Variants in FAM200B observed in about 807,000 individuals in gnomAD.
FAM200B encodes the protein protein FAM200B.
A neutral mutation model predicts 33.1 loss-of-function variants in FAM200B; 32 were observed. That is an observed-to-expected ratio of 0.97 (90% CI 0.73 to 1.30). The LOEUF (loss-of-function observed/expected upper bound fraction) is 1.30, where lower values mean the gene tolerates loss of function less well. Ranked by LOEUF, FAM200B falls within the 50% of genes most tolerant of loss-of-function variation. The pLI, the probability that FAM200B is intolerant of heterozygous loss-of-function variation, is 0.00. For synonymous variants in FAM200B, 240 were observed against 264.8 expected (o/e 0.91, Z 0.91); for missense variants, 741 against 754.0 (o/e 0.98, Z 0.20).
At chr4:15,654,399 C>A in the FAM200B span, among the ~76,000 whole-genome samples, 1 of 152,184 alleles carries the variant, frequency 6.6e-6, no homozygotes, top group Admixed American at 6.5e-5. Context: ...CACAAAAGTG[C>A]CTCTTCAGCT....
In FAM200B at chr4:15,686,740, A is replaced by C; in HGVS notation, c.-238A>C. The C allele has an allele frequency of 3.5e-6, 1 of 284,096 alleles. No individual in the cohort carries two copies. The highest frequency in any genetic ancestry group is 6.5e-6 in the Non-Finnish European group (1 of 152,726). The allele number at this position is 284,096 out of a possible 1,614,324, so 17.6% of individuals were successfully genotyped here. A position where few individuals can be genotyped will look rare whatever the true frequency, so the allele number is the denominator to read the frequency against. On this transcript the variant is annotated 5_prime_UTR_variant, in exon 2 of 2. Transcript: ENST00000422728. ...GTATATTGGCTAAGAAATGGTTTTCAGTCATTGATTCCTGGGTGTCTTGCT... is the reference window on the plus strand; with the variant it reads ...GTATATTGGCTAAGAAATGGTTTTCCGTCATTGATTCCTGGGTGTCTTGCT...
chr4:15,688,527 A>C lies in FAM200B; in HGVS notation c.1550A>C (p.Gln517Pro). ...TTGTTGCATCTCACTTCTCTGTCTC[A>C]AACTTTTAACCATTTCTTTCCAGAA... Reference protein sequence around the residue: ...EILLHLTSLSQTFNHFFPEEK... With the variant: ...EILLHLTSLSPTFNHFFPEEK... The change falls in exon 2 of 2, where the codon CAA becomes CCA. Residue 517 changes from glutamine (Q) to proline (P), a missense_variant. Physicochemically the swap from Gln to Pro is moderately conservative, Grantham distance 76. Transcript: ENST00000422728. 6.5e-7 allele frequency: 1 copy of C among 1,548,288 alleles called. No homozygotes were observed. Among genetic ancestry groups the C allele is most frequent in the African/African-American group, 1.4e-5 (1 of 73,082 alleles).
chr4:15,642,515 G>A, the FAM200B span, among the ~76,000 whole-genome samples: 2 of 151,962 alleles, frequency 1.3e-5, no homozygotes, highest in African/African-American at 2.4e-5. Flanking sequence ...GAATTACACG[G>A]ATGAGCCACC....
chr4:15,673,405 T>C, the FAM200B span, among the ~76,000 whole-genome samples: 1 of 151,992 alleles, frequency 6.6e-6, no homozygotes, highest in Non-Finnish European at 1.5e-5. Flanking sequence ...TGCACTACTC[T>C]ACTCCACCCT....
At chr4:15,643,498 A>G in the FAM200B span, among the ~76,000 whole-genome samples, 1 of 152,120 alleles carries the variant, frequency 6.6e-6, no homozygotes, top group Non-Finnish European at 1.5e-5. Flanking sequence ...GCTCACTGCA[A>G]CCTCCGCCTC....
chr4:15,651,043 A>G, the FAM200B span, among the ~76,000 whole-genome samples: 2 of 152,214 alleles, frequency 1.3e-5, no homozygotes, highest in African/African-American at 4.8e-5. Flanking sequence ...AGTACATTCA[A>G]AAATAGATAA....
chr4:15,662,188 A>C, the FAM200B span, among the ~76,000 whole-genome samples: 1 of 152,322 alleles, frequency 6.6e-6, no homozygotes, highest in East Asian at 1.9e-4. Flanking sequence ...GAAGGGATTA[A>C]TTGAGGGCCA....
At chr4:15,683,295 C>T (rs765268609) in intron 1 of FAM200B, among the ~76,000 whole-genome samples, 22 of 151,466 alleles carry the variant, frequency 1.5e-4, no homozygotes, top group Non-Finnish European at 2.8e-4. Context: ...ACCTCACATC[C>T]TATTGAGTTA....
chr4:15,656,530 TAGA>T, the FAM200B span, among the ~76,000 whole-genome samples: 4 of 152,266 alleles, frequency 2.6e-5, no homozygotes, highest in South Asian at 2.1e-4. Flanking sequence ...AATAATGGAG[TAGA>T]AGAAGGTGAG....
At chr4:15,658,040 C>G in the FAM200B span, among the ~76,000 whole-genome samples, 1 of 152,228 alleles carries the variant, frequency 6.6e-6, no homozygotes, top group African/African-American at 2.4e-5. Flanking sequence ...CATTCTCTCT[C>G]TGGCAACCTA....
the FAM200B span, among the ~76,000 whole-genome samples, chr4:15,660,114 T>G: frequency 6.6e-6 from 1 of 152,072 alleles, no homozygotes; most frequent in Non-Finnish European, 1.5e-5. Flanking sequence ...GGTTTCACTC[T>G]GTCACCCAGG....
At chr4:15,679,265 G>A (rs1718109883), upstream of FAM200B, among the ~76,000 whole-genome samples, 1 of 151,946 alleles carries the variant, frequency 6.6e-6, no homozygotes, top group South Asian at 2.1e-4. Context: ...GTTTCACCAT[G>A]TTGGTCAGGA....
At chr4:15,646,467 A>AT in the FAM200B span, among the ~76,000 whole-genome samples, 1 of 151,888 alleles carries the variant, frequency 6.6e-6, no homozygotes, top group African/African-American at 2.4e-5. Context: ...TTTGGAAAAA[A>AT]AAAAAAAGGC....
intron 1 of FAM200B, among the ~76,000 whole-genome samples, chr4:15,684,109 T>G (rs1718605905): frequency 6.6e-6 from 1 of 152,226 alleles, no homozygotes; most frequent in Admixed American, 6.5e-5. Context: ...AATGTTGCCA[T>G]GTAGCCGCAG....
chr4:15,655,107 G>T, the FAM200B span: 20 of 983,630 alleles, frequency 2.0e-5, 1 homozygote, highest in South Asian at 7.2e-4. Context: ...ACGGCACGGG[G>T]CTGCGGGCGC....
chr4:15,668,014 C>T, the FAM200B span, among the ~76,000 whole-genome samples: 1 of 149,930 alleles, frequency 6.7e-6, no homozygotes, highest in Non-Finnish European at 1.5e-5. Context: ...GCACTCCAGC[C>T]TGGGCAACAA....
chr4:15,638,623 T>C, the FAM200B span: 1 of 1,613,590 alleles, frequency 6.2e-7, no homozygotes. Context: ...AGCAGTGTTG[T>C]GCAATCACTT....
At chr4:15,674,910 A>G in the FAM200B span, among the ~76,000 whole-genome samples, 397 of 152,246 alleles carry the variant, frequency 2.6e-3, 4 homozygotes, top group African/African-American at 9.1e-3. Flanking sequence ...CGGCCTCCCA[A>G]AGTGCTGGGA....
chr4:15,683,088 C>A (rs761602866), intron 1 of FAM200B, among the ~76,000 whole-genome samples: 1 of 152,138 alleles, frequency 6.6e-6, no homozygotes, highest in African/African-American at 2.4e-5. Context: ...AGATTAGTGA[C>A]GGGGAATTTT....
Sources: gnomAD v4.1 joint callset for allele counts (sites outside exome capture counted in the v4.1 genomes callset) on GRCh38, gnomAD v4.1.1 for gene constraint, MANE v1.5 for transcripts, NCBI Gene and HGNC (gene_info 2026-07-23, HGNC 2026-07-21) for gene names.